Variants in RBFOX1 observed in about 807,000 individuals in gnomAD.
RBFOX1 encodes the protein RNA binding protein fox-1 homolog 1.
A neutral mutation model predicts 57.7 loss-of-function variants in RBFOX1; 8 were observed. The observed-to-expected ratio is 0.14, with a 90% CI of 0.08 to 0.25. RBFOX1 has a LOEUF of 0.25. Ranked by LOEUF, RBFOX1 falls within the 10% of genes least tolerant of loss-of-function variation. RBFOX1 has a pLI of 1.00. For missense variants in RBFOX1, 611 were observed against 548.5 expected, an observed-to-expected ratio of 1.11 and a Z score of -1.14; for synonymous variants, 326 against 222.4, an observed-to-expected ratio of 1.47 and a Z score of -4.15.
At chr16:5,631,222 G>A (rs1596516942) in intron 3 of RBFOX1, among the ~76,000 whole-genome samples, 1 of 152,158 alleles carries the variant, frequency 6.6e-6, no homozygotes, top group Admixed American at 6.5e-5. Flanking sequence ...GATGTTACTG[G>A]TCAGGGTCTT....
intron 3 of RBFOX1, among the ~76,000 whole-genome samples, chr16:6,736,217 G>A (rs2070252192): frequency 6.6e-6 from 1 of 151,914 alleles, no homozygotes; most frequent in African/African-American, 2.4e-5. Context: ...GGGTACAGTT[G>A]GTATTTGCAT....
rs147681199 is a variant in RBFOX1, at chr16:7,272,399, G to A, written c.27+220301G>A. On this transcript the variant is annotated intron_variant, in intron 4 of 15. Transcript: ENST00000550418. The stretch of plus-strand genomic sequence containing the variant: ...TGTGTTCCGCCATGTTGGCCAGGTT[G>A]GGCTTGAATTCCTGACCTCAGTGAT... 7.4e-3 allele frequency among the ~76,000 whole-genome samples: 1,128 copies of A among 152,210 alleles called. 12 individuals are homozygous for A. Among genetic ancestry groups the A allele is most frequent in the South Asian group, 0.025 (119 of 4,804 alleles).
At chr16:6,244,116 T>A (rs2097555640) in intron 1 of RBFOX1, among the ~76,000 whole-genome samples, 3 of 152,148 alleles carry the variant, frequency 2.0e-5, no homozygotes. Flanking sequence ...AAACTTTGAC[T>A]TTTTAATATA....
At chr16:6,995,040 G>C (rs1012277234) in intron 3 of RBFOX1, among the ~76,000 whole-genome samples, 1 of 150,390 alleles carries the variant, frequency 6.6e-6, no homozygotes, top group African/African-American at 2.4e-5. Context: ...CCAGGTATTA[G>C]GCTGGCTAAT....
intron 2 of RBFOX1, among the ~76,000 whole-genome samples, chr16:6,641,778 A>AAAAAAAAAAAAAAAG (rs1568006199): frequency 6.3e-5 from 2 of 31,786 alleles, no homozygotes; most frequent in African/African-American, 2.4e-4. Context: ...AAAAAAAAAA[A>AAAAAAAAAAAAAAAG]TAGGTTCTGC....
chr16:6,731,002 C>G (rs970426), intron 3 of RBFOX1, among the ~76,000 whole-genome samples: 138,701 of 152,116 alleles, frequency 0.91, 64,692 homozygotes, highest in East Asian at 1. Context: ...TCATTGATGT[C>G]AGAGATCACA....
chr16:7,548,981 A>T (rs2085477606), intron 5 of RBFOX1, among the ~76,000 whole-genome samples: 2 of 152,236 alleles, frequency 1.3e-5, no homozygotes, highest in South Asian at 4.1e-4. Context: ...CATTCCAGGG[A>T]TCCGAAGAAA....
At chr16:5,996,605 G>T (rs1413042381) in intron 4 of RBFOX1, among the ~76,000 whole-genome samples, 1 of 152,046 alleles carries the variant, frequency 6.6e-6, no homozygotes, top group Non-Finnish European at 1.5e-5. Context: ...AATCACAAGG[G>T]CTAATTCTGT....
intron 4 of RBFOX1, among the ~76,000 whole-genome samples, chr16:7,388,779 G>GCC (rs2097931583): frequency 6.7e-6 from 1 of 150,216 alleles, no homozygotes; most frequent in African/African-American, 2.4e-5. Context: ...TGTTAGATGA[G>GCC]TTTGTCCAAA....
intron 4 of RBFOX1, among the ~76,000 whole-genome samples, chr16:7,364,874 A>G (rs755454666): frequency 6.6e-6 from 1 of 152,208 alleles, no homozygotes; most frequent in Non-Finnish European, 1.5e-5. Context: ...ATTTCTGTAA[A>G]AGGATATCAA....
intron 4 of RBFOX1, among the ~76,000 whole-genome samples, chr16:7,348,595 A>G (rs2097064470): frequency 6.6e-6 from 1 of 152,214 alleles, no homozygotes; most frequent in Non-Finnish European, 1.5e-5. Flanking sequence ...CAGTTGGGAA[A>G]AGAAGATAGG....
intron 4 of RBFOX1, among the ~76,000 whole-genome samples, chr16:7,354,226 C>T (rs550546033): frequency 1.3e-5 from 2 of 152,308 alleles, no homozygotes; most frequent in East Asian, 3.9e-4. Context: ...CCACCTCGGC[C>T]TCCCACACTG....
chr16:5,998,666 G>C (rs990235105), intron 4 of RBFOX1, among the ~76,000 whole-genome samples: 2 of 152,154 alleles, frequency 1.3e-5, no homozygotes, highest in Admixed American at 6.5e-5. Context: ...GCACTGGTGT[G>C]TTGTCGTCCC....
At chr16:6,655,425 C>T (rs1469780131) in intron 3 of RBFOX1, among the ~76,000 whole-genome samples, 1 of 128,324 alleles carries the variant, frequency 7.8e-6, no homozygotes, top group Non-Finnish European at 1.6e-5. Flanking sequence ...CAATTTCCAT[C>T]ACAACACATC....
intron 4 of RBFOX1, among the ~76,000 whole-genome samples, chr16:7,281,367 T>A (rs918322155): frequency 1.3e-5 from 2 of 151,742 alleles, no homozygotes; most frequent in African/African-American, 4.8e-5. Context: ...TGGAGGCAGA[T>A]GGGCTGCTTC....
chr16:5,246,240 T>C (rs577371931), intron 1 of RBFOX1, among the ~76,000 whole-genome samples: 34 of 152,346 alleles, frequency 2.2e-4, no homozygotes, highest in African/African-American at 8.2e-4. Flanking sequence ...AGCGAGACTC[T>C]GTTTCAAAAT....
chr16:6,752,817 A>AT (rs71145286), intron 3 of RBFOX1, among the ~76,000 whole-genome samples: 20 of 147,018 alleles, frequency 1.4e-4, no homozygotes, highest in African/African-American at 4.7e-4. Flanking sequence ...TCCTACTCCT[A>AT]TTTTTTTTTT....
chr16:5,479,622 G>T (rs1220987441), intron 2 of RBFOX1, among the ~76,000 whole-genome samples: 7 of 143,210 alleles, frequency 4.9e-5, no homozygotes, highest in Non-Finnish European at 7.8e-5. Context: ...AGCTGCGTGT[G>T]GTGGTGCACG....
intron 5 of RBFOX1, among the ~76,000 whole-genome samples, chr16:7,574,084 T>C (rs1442056263): frequency 2.0e-5 from 3 of 152,118 alleles, no homozygotes; most frequent in Admixed American, 2.0e-4. Context: ...TATAATGACT[T>C]CTCAAGTTGA....
Sources: gnomAD v4.1 joint callset for allele counts (sites outside exome capture counted in the v4.1 genomes callset) on GRCh38, gnomAD v4.1.1 for gene constraint, MANE v1.5 for transcripts, NCBI Gene and HGNC (gene_info 2026-07-23, HGNC 2026-07-21) for gene names.